RERE: variants seen among roughly 807,000 people sequenced by gnomAD.
The protein encoded by RERE is arginine-glutamic acid dipeptide repeats.
In RERE, 40 loss-of-function variants were observed where a neutral mutation model predicts 146.1. The ratio of observed to expected loss-of-function variants is 0.27; its 90% confidence interval spans 0.21 to 0.36. The LOEUF (loss-of-function observed/expected upper bound fraction) is 0.36. Among genes scored for constraint, RERE ranks in the 10% least tolerant of loss-of-function variants. RERE has a pLI of 1.00. For synonymous variants in RERE, 1,003 were observed against 866.0 expected (o/e 1.16, Z -2.78); for missense variants, 1,933 against 2,138.7 (o/e 0.90, Z 1.90).
chr1:8,746,192 G>A (rs1221289242), intron 1 of RERE, among the ~76,000 whole-genome samples: 1 of 152,202 alleles, frequency 6.6e-6, no homozygotes, highest in African/African-American at 2.4e-5. Flanking sequence ...AAAGTACTCT[G>A]TTTATATCTC....
intron 7 of RERE, among the ~76,000 whole-genome samples, chr1:8,528,236 A>T (rs138470308): frequency 6.6e-6 from 1 of 152,344 alleles, no homozygotes; most frequent in African/African-American, 2.4e-5. Context: ...GGTCGATGTC[A>T]TAAAAAATCT....
chr1:8,382,160 C>A (rs1278894394), intron 12 of RERE, among the ~76,000 whole-genome samples: 2 of 152,232 alleles, frequency 1.3e-5, no homozygotes, highest in African/African-American at 4.8e-5. Context: ...AGGCAGATAG[C>A]AAGAGGCTCT....
At chr1:8,681,138 C>T (rs1430711242) in intron 1 of RERE, among the ~76,000 whole-genome samples, 1 of 152,130 alleles carries the variant, frequency 6.6e-6, no homozygotes, top group Non-Finnish European at 1.5e-5. Flanking sequence ...TGAAACCATT[C>T]AGAAATAAAA....
chr1:8,730,871 G>A (rs1569655800), intron 1 of RERE, among the ~76,000 whole-genome samples: 1 of 152,180 alleles, frequency 6.6e-6, no homozygotes, highest in East Asian at 1.9e-4. Context: ...CACCTGGAGG[G>A]ATTTGTTAAA....
At chr1:8,433,555 T>TTC (rs1644124596) in intron 11 of RERE, among the ~76,000 whole-genome samples, 1 of 146,122 alleles carries the variant, frequency 6.8e-6, no homozygotes. Flanking sequence ...ATTCATTTCT[T>TTC]TTTTTTTTTT....
chr1:8,524,467 CACT>C (rs1375964657), intron 7 of RERE, among the ~76,000 whole-genome samples: 2 of 152,144 alleles, frequency 1.3e-5, no homozygotes, highest in African/African-American at 4.8e-5. Flanking sequence ...CACACTACAC[CACT>C]AAGAGCTTAC....
intron 11 of RERE, among the ~76,000 whole-genome samples, chr1:8,436,949 C>G (rs1427700694): frequency 6.6e-6 from 1 of 152,162 alleles, no homozygotes; most frequent in Non-Finnish European, 1.5e-5. Context: ...ATAATCCTAA[C>G]TTCTTTTTTT....
chr1:8,496,169 A>AAAAAAAAAAG (rs1645042950), intron 9 of RERE, among the ~76,000 whole-genome samples: 2 of 150,316 alleles, frequency 1.3e-5, no homozygotes, highest in African/African-American at 4.9e-5. Flanking sequence ...AAAAAAAAAA[A>AAAAAAAAAAG]GGTGAGAAAC....
At chr1:8,443,002 G>A (rs938479595) in intron 11 of RERE, among the ~76,000 whole-genome samples, 1 of 152,162 alleles carries the variant, frequency 6.6e-6, no homozygotes, top group African/African-American at 2.4e-5. Flanking sequence ...GGTATCTGGT[G>A]GAAGAAATCT....
intron 1 of RERE, among the ~76,000 whole-genome samples, chr1:8,682,966 T>TA (rs1177204798): frequency 7.8e-6 from 1 of 128,772 alleles, no homozygotes; most frequent in African/African-American, 3.0e-5. Flanking sequence ...AACACTGGTA[T>TA]AGCCCAAAGA....
chr1:8,716,051 G>A (rs1639758281), intron 1 of RERE, among the ~76,000 whole-genome samples: 1 of 151,524 alleles, frequency 6.6e-6, no homozygotes, highest in South Asian at 2.1e-4. Context: ...AGACTGAGGC[G>A]GGAGGATCCC....
At chr1:8,540,076 A>AT (rs1032291337) in intron 7 of RERE, among the ~76,000 whole-genome samples, 1 of 151,806 alleles carries the variant, frequency 6.6e-6, no homozygotes, top group African/African-American at 2.4e-5. Flanking sequence ...AGTATTATTT[A>AT]TTATTTATTT....
At chr1:8,568,126 G>T (rs1646173908) in intron 4 of RERE, among the ~76,000 whole-genome samples, 1 of 151,932 alleles carries the variant, frequency 6.6e-6, no homozygotes, top group Non-Finnish European at 1.5e-5. Context: ...CTGGGGTCCA[G>T]AACAGAACAA....
chr1:8,529,645 A>C (rs1173027130), intron 7 of RERE, among the ~76,000 whole-genome samples: 1 of 151,914 alleles, frequency 6.6e-6, no homozygotes, highest in Non-Finnish European at 1.5e-5. Flanking sequence ...CACAAGGGGC[A>C]ATGAATGACC....
At chr1:8,532,896 T>C (rs1013298713) in intron 7 of RERE, among the ~76,000 whole-genome samples, 33 of 150,930 alleles carry the variant, frequency 2.2e-4, no homozygotes, top group African/African-American at 7.5e-4. Flanking sequence ...CCCCTGGCCC[T>C]TTTTTTTTGT....
chr1:8,401,072 T>C (rs1012337394), intron 12 of RERE, among the ~76,000 whole-genome samples: 1 of 122,632 alleles, frequency 8.2e-6, no homozygotes, highest in Non-Finnish European at 1.7e-5. Context: ...TATATATATA[T>C]GTCACTTAAT....
At chr1:8,580,585 T>A (rs1382678699) in intron 4 of RERE, among the ~76,000 whole-genome samples, 1 of 152,196 alleles carries the variant, frequency 6.6e-6, no homozygotes, top group Non-Finnish European at 1.5e-5. Context: ...AATGCAGAGA[T>A]TTTTAGATAC....
chr1:8,739,825 A>AAT (rs1357930655), intron 1 of RERE, among the ~76,000 whole-genome samples: 1 of 27,492 alleles, frequency 3.6e-5, no homozygotes, highest in Non-Finnish European at 9.3e-5. Flanking sequence ...CATTATGATT[A>AAT]ATGTTAATAA....
At chr1:8,783,760 G>T (rs1569788721) in intron 1 of RERE, among the ~76,000 whole-genome samples, 1 of 152,016 alleles carries the variant, frequency 6.6e-6, no homozygotes, top group African/African-American at 2.4e-5. Context: ...TCCTGAAAAG[G>T]CCCCAAGAAG....
Sources: gnomAD v4.1 joint callset for allele counts (sites outside exome capture counted in the v4.1 genomes callset) on GRCh38, gnomAD v4.1.1 for gene constraint, MANE v1.5 for transcripts, NCBI Gene and HGNC (gene_info 2026-07-23, HGNC 2026-07-21) for gene names.